PPFIBP1: variants seen among roughly 807,000 people sequenced by gnomAD.
PPFIBP1 encodes liprin-beta-1.
A neutral mutation model predicts 137.8 loss-of-function variants in PPFIBP1; 112 were observed. The ratio of observed to expected loss-of-function variants is 0.81; its 90% CI spans 0.70 to 0.95. The LOEUF (loss-of-function observed/expected upper bound fraction) is 0.95, where lower values mean the gene tolerates loss of function less well. PPFIBP1 is among the 40% of genes least tolerant of loss of function. The pLI, the probability that PPFIBP1 is intolerant of heterozygous loss-of-function variation, is 0.00. For missense variants in PPFIBP1, 1,083 were observed against 1,196.6 expected (o/e 0.91, Z 1.40); for synonymous variants, 378 against 417.3 (o/e 0.91, Z 1.15).
intron 2 of PPFIBP1, among the ~76,000 whole-genome samples, chr12:27,607,891 G>A (rs1372936881): frequency 6.6e-6 from 1 of 151,440 alleles, no homozygotes; most frequent in Non-Finnish European, 1.5e-5. Context: ...TGTGGCTATG[G>A]AGAATAATTT....
intron 2 of PPFIBP1, among the ~76,000 whole-genome samples, chr12:27,626,121 A>G (rs1367594813): frequency 6.6e-6 from 1 of 152,120 alleles, no homozygotes; most frequent in Non-Finnish European, 1.5e-5. Flanking sequence ...ATGTTAGAGC[A>G]GATTGGTGGT....
intron 4 of PPFIBP1, among the ~76,000 whole-genome samples, chr12:27,641,961 AT>A: frequency 6.7e-6 from 1 of 149,408 alleles, no homozygotes; most frequent in Non-Finnish European, 1.5e-5. Context: ...AAATAAATAA[AT>A]AAATAAATAA....
At chr12:27,644,019 G>A (rs1384684304) in intron 4 of PPFIBP1, among the ~76,000 whole-genome samples, 1 of 150,910 alleles carries the variant, frequency 6.6e-6, no homozygotes, top group African/African-American at 2.4e-5. Flanking sequence ...AAAGTAGCTT[G>A]GGAGGAAACA....
intron 2 of PPFIBP1, chr12:27,599,488 A>G (rs762023701): frequency 6.6e-6 from 3 of 455,664 alleles, no homozygotes; most frequent in African/African-American, 6.0e-5. Flanking sequence ...GCGTGAGCCA[A>G]TTCCTTAAAA....
At chr12:27,554,634 G>A (rs1947096377) in intron 1 of PPFIBP1, among the ~76,000 whole-genome samples, 1 of 152,182 alleles carries the variant, frequency 6.6e-6, no homozygotes, top group African/African-American at 2.4e-5. Context: ...TTGTAGTTCA[G>A]CAGAAGCCAA....
intron 26 of PPFIBP1, among the ~76,000 whole-genome samples, chr12:27,688,762 A>C (rs1038445629): frequency 4.6e-5 from 7 of 152,178 alleles, no homozygotes; most frequent in Admixed American, 6.5e-5. Context: ...AGCACCCTAG[A>C]GAGGCAGAGC....
At chr12:27,540,969 T>A (rs1473665128) in intron 1 of PPFIBP1, among the ~76,000 whole-genome samples, 1 of 152,210 alleles carries the variant, frequency 6.6e-6, no homozygotes, top group East Asian at 1.9e-4. Context: ...TTCTAATTTT[T>A]AAATTCGGTT....
chr12:27,555,419 T>G (rs1397076499), intron 1 of PPFIBP1, among the ~76,000 whole-genome samples: 1 of 152,220 alleles, frequency 6.6e-6, no homozygotes, highest in Non-Finnish European at 1.5e-5. Flanking sequence ...GGACTATAGA[T>G]TCCTTATTCC....
intron 2 of PPFIBP1, among the ~76,000 whole-genome samples, chr12:27,601,359 G>A (rs1284325893): frequency 1.3e-5 from 2 of 152,128 alleles, no homozygotes; most frequent in East Asian, 1.9e-4. Context: ...GAGAGGATGG[G>A]TATGATTTCC....
intron 1 of PPFIBP1, among the ~76,000 whole-genome samples, chr12:27,546,574 G>A (rs1319277674): frequency 6.6e-6 from 1 of 152,110 alleles, no homozygotes; most frequent in African/African-American, 2.4e-5. Flanking sequence ...TTGGAAGATA[G>A]TGCTGTCTCC....
At chr12:27,613,714 A>G (rs1375467268) in intron 2 of PPFIBP1, among the ~76,000 whole-genome samples, 2 of 151,808 alleles carry the variant, frequency 1.3e-5, no homozygotes, top group Non-Finnish European at 2.9e-5. Flanking sequence ...AAAAAAAAAA[A>G]AAAGAAAAAA....
intron 18 of PPFIBP1, 126 bp downstream of exon 18, chr12:27,676,725 T>C: frequency 9.9e-7 from 1 of 1,011,504 alleles, no homozygotes. Flanking sequence ...GTGAATGACT[T>C]AGGGGAATTT....
At chr12:27,652,026 A>G (rs944352445) in intron 7 of PPFIBP1, among the ~76,000 whole-genome samples, 2 of 152,256 alleles carry the variant, frequency 1.3e-5, no homozygotes, top group African/African-American at 4.8e-5. Flanking sequence ...CCCGGAGATT[A>G]GAGCATATGT....
chr12:27,615,023 T>C lies in PPFIBP1; in HGVS notation c.-35-18339T>C, dbSNP rs1046491132. 6.6e-5 allele frequency among the ~76,000 whole-genome samples: 10 copies of C among 152,306 alleles called. No individual in the cohort carries two copies. In the East Asian group the frequency reaches 1.9e-3, roughly 29 times the overall value. ...GTTCATTAACCCAATGAATGAATCA[T>C]GAATAGGAGATCCAGCCACAGAAAA... On this transcript the variant is annotated intron_variant, in intron 2 of 29. Transcript: ENST00000228425.
intron 9 of PPFIBP1, among the ~76,000 whole-genome samples, 195 bp from the exon 10 acceptor site, chr12:27,658,621 C>G (rs952644261): frequency 1.3e-5 from 2 of 152,204 alleles, no homozygotes; most frequent in East Asian, 3.8e-4. Flanking sequence ...TTTAGGTCTT[C>G]TGTTCTCTTT....
chr12:27,633,494 C>T lies in PPFIBP1; in HGVS notation c.64+34C>T, dbSNP rs369137126. ...CATCCTGTGAAAGACAGAATCACAA[C>T]ATTTACTCTCCTCACTTGGCTTTTT... is the stretch of plus-strand genomic sequence containing the variant. On this transcript the variant is annotated intron_variant, in intron 3 of 29. Coordinates refer to ENST00000228425, the MANE Select transcript of PPFIBP1 (RefSeq NM_003622.4). 239 of 1,567,476 alleles carry T rather than the reference C, an allele frequency of 1.5e-4. No homozygotes were observed. The African/African-American group carries it at 2.7e-3, about 18-fold the overall frequency.
intron 2 of PPFIBP1, among the ~76,000 whole-genome samples, chr12:27,606,804 C>G (rs1484029632): frequency 1.3e-5 from 2 of 152,148 alleles, no homozygotes; most frequent in Non-Finnish European, 2.9e-5. Context: ...ACAAGTGGGC[C>G]ACAGATTAGG....
At chr12:27,594,004 G>A (rs200758764) in intron 2 of PPFIBP1, 362 of 1,355,102 alleles carry the variant, frequency 2.7e-4, no homozygotes, top group Middle Eastern at 9.9e-4. Flanking sequence ...TGGAGCTGTC[G>A]TCCTCTATGT....
At position 27,693,123 on chromosome 12, in the gene PPFIBP1, A is replaced by ATATT; in HGVS notation, c.*242_*245dup. 2.2e-6 allele frequency: 1 copy of ATATT among 453,502 alleles called. No homozygotes were observed. Among genetic ancestry groups the ATATT allele is most frequent in the Non-Finnish European group, 3.7e-6 (1 of 270,582 alleles). The allele number at this position is 453,502 out of a possible 1,614,324, so 28.1% of individuals were successfully genotyped here. ...TCTATTTAATGTAAAAATCTGTGATATATTATATTTAAAGTGTTGCATTTA... is the reference window on the plus strand; with the variant it reads ...TCTATTTAATGTAAAAATCTGTGATATATTTATTATATTTAAAGTGTTGCATTTA... On this transcript the variant is annotated 3_prime_UTR_variant, in exon 30 of 30. Coordinates refer to ENST00000228425, the MANE Select transcript of PPFIBP1 (RefSeq NM_003622.4).
Sources: gnomAD v4.1 joint callset for allele counts (sites outside exome capture counted in the v4.1 genomes callset) on GRCh38, gnomAD v4.1.1 for gene constraint, MANE v1.5 for transcripts, NCBI Gene and HGNC (gene_info 2026-07-23, HGNC 2026-07-21) for gene names.